TRERF1: variants seen among roughly 807,000 people sequenced by gnomAD.
TRERF1 encodes the protein transcriptional regulating factor 1, also known as transcriptional-regulating factor 1.
In TRERF1, 27 loss-of-function variants were observed where a neutral mutation model predicts 122.9. The ratio of observed to expected loss-of-function variants is 0.22; its 90% CI spans 0.16 to 0.30. The LOEUF (loss-of-function observed/expected upper bound fraction) is 0.30, where lower values mean the gene tolerates loss of function less well. Among genes scored for constraint, TRERF1 ranks in the 10% least tolerant of loss-of-function variants. TRERF1 has a pLI of 1.00. For missense variants in TRERF1, 1,248 were observed against 1,560.3 expected (o/e 0.80, Z 3.37); for synonymous variants, 636 against 641.7 (o/e 0.99, Z 0.13).
intron 2 of TRERF1, among the ~76,000 whole-genome samples, chr6:42,426,780 A>G (rs1210893458): frequency 6.6e-6 from 1 of 152,168 alleles, no homozygotes; most frequent in African/African-American, 2.4e-5. Flanking sequence ...GTTAGGACAG[A>G]GATACGGCCC....
chr6:42,252,460 G>A (rs551302036), intron 13 of TRERF1, among the ~76,000 whole-genome samples: 1 of 152,276 alleles, frequency 6.6e-6, no homozygotes, highest in African/African-American at 2.4e-5. Context: ...GAGCAAATTC[G>A]GGGCTGGGAC....
chr6:42,414,221 G>A (rs1162982793), intron 2 of TRERF1, among the ~76,000 whole-genome samples: 1 of 152,192 alleles, frequency 6.6e-6, no homozygotes, highest in African/African-American at 2.4e-5. Context: ...CATCCTTGGA[G>A]GGTCTTTCAA....
In TRERF1 at chr6:42,428,187, A is replaced by G. The variant is rs572985871; in HGVS notation, c.-454+22990T>C. Among the ~76,000 whole-genome samples, 6 of 152,360 alleles carry G rather than the reference A, an allele frequency of 3.9e-5. No individual in the cohort carries two copies. In the East Asian group the frequency reaches 1.2e-3, roughly 29 times the overall value. ...GGCCCAGACTGACTAAGGTGAAATC[A>G]TTTCATTTATTTTCTATGTAACTTC... On this transcript the variant is annotated intron_variant, in intron 2 of 17. Transcript: ENST00000372922.
At chr6:42,368,859 G>A (rs527693379) in intron 2 of TRERF1, among the ~76,000 whole-genome samples, 2 of 152,184 alleles carry the variant, frequency 1.3e-5, no homozygotes, top group Admixed American at 1.3e-4. Flanking sequence ...TTCTTGGTAT[G>A]TAAGAAGTTT....
At chr6:42,432,671 G>A (rs1784665221) in intron 2 of TRERF1, among the ~76,000 whole-genome samples, 1 of 152,026 alleles carries the variant, frequency 6.6e-6, no homozygotes, top group Admixed American at 6.6e-5. Flanking sequence ...GTGAAACCCT[G>A]TTCCTACTAA....
At chr6:42,355,166 T>C (rs1042360416) in intron 3 of TRERF1, among the ~76,000 whole-genome samples, 6 of 152,236 alleles carry the variant, frequency 3.9e-5, no homozygotes, top group African/African-American at 1.2e-4. Flanking sequence ...CCTTTATTGT[T>C]TCACCAGTAA....
chr6:42,304,572 G>C (rs1423222578), intron 3 of TRERF1, among the ~76,000 whole-genome samples: 1 of 152,196 alleles, frequency 6.6e-6, no homozygotes, highest in Non-Finnish European at 1.5e-5. Context: ...GCAAGGCTCA[G>C]AGTCAGCTAT....
At chr6:42,295,786 T>C (rs909036853) in intron 4 of TRERF1, among the ~76,000 whole-genome samples, 7 of 152,188 alleles carry the variant, frequency 4.6e-5, no homozygotes, top group Non-Finnish European at 7.4e-5. Flanking sequence ...CACAGCAACT[T>C]TATGCATTCT....
intron 8 of TRERF1, among the ~76,000 whole-genome samples, chr6:42,262,252 C>G (rs1778042832): frequency 6.6e-6 from 1 of 151,880 alleles, no homozygotes; most frequent in Non-Finnish European, 1.5e-5. Context: ...AGGTTTTTTT[C>G]TGTACTTTTC....
chr6:42,234,202 A>G (rs1313333648), intron 16 of TRERF1, among the ~76,000 whole-genome samples: 1 of 152,166 alleles, frequency 6.6e-6, no homozygotes, highest in Non-Finnish European at 1.5e-5. Context: ...AGGGGTGTAA[A>G]TCCATATCCC....
At chr6:42,397,365 G>A (rs539516686) in intron 2 of TRERF1, among the ~76,000 whole-genome samples, 2 of 152,088 alleles carry the variant, frequency 1.3e-5, no homozygotes, top group Non-Finnish European at 1.5e-5. Context: ...AGGCACCGTC[G>A]GGATGTACTG....
intron 13 of TRERF1, among the ~76,000 whole-genome samples, chr6:42,249,704 T>C (rs1582554945): frequency 6.6e-6 from 1 of 152,272 alleles, no homozygotes; most frequent in East Asian, 1.9e-4. Context: ...GATACAGGGC[T>C]GGGTCAGGGA....
At chr6:42,428,039 A>G (rs904118955) in intron 2 of TRERF1, among the ~76,000 whole-genome samples, 1 of 152,148 alleles carries the variant, frequency 6.6e-6, no homozygotes, top group South Asian at 2.1e-4. Flanking sequence ...TTGGCATGAC[A>G]TCTAGGGCCG....
chr6:42,413,618 T>G (rs1582085705), intron 2 of TRERF1, among the ~76,000 whole-genome samples: 1 of 151,862 alleles, frequency 6.6e-6, no homozygotes, highest in African/African-American at 2.4e-5. Context: ...TTAGTAGAGA[T>G]GGGGTTTCAC....
intron 2 of TRERF1, among the ~76,000 whole-genome samples, chr6:42,376,417 C>T (rs1024662949): frequency 2.6e-5 from 4 of 151,582 alleles, no homozygotes; most frequent in South Asian, 2.1e-4. Flanking sequence ...AGGGGAGAGA[C>T]AGGAGTAAGA....
intron 3 of TRERF1, among the ~76,000 whole-genome samples, chr6:42,354,994 G>C (rs1770224853): frequency 6.6e-6 from 1 of 152,132 alleles, no homozygotes; most frequent in South Asian, 2.1e-4. Context: ...TCATTATCTA[G>C]AAATAGGGTT....
intron 2 of TRERF1, among the ~76,000 whole-genome samples, chr6:42,375,119 G>A (rs755476031): frequency 2.6e-5 from 4 of 151,780 alleles, no homozygotes; most frequent in Admixed American, 6.6e-5. Context: ...AGGGTAAAGC[G>A]ACTGTCCCAG....
intron 3 of TRERF1, among the ~76,000 whole-genome samples, chr6:42,322,998 G>C (rs1184471005): frequency 2.0e-5 from 3 of 151,808 alleles, no homozygotes; most frequent in Non-Finnish European, 4.4e-5. Flanking sequence ...TGGGGGGCAA[G>C]CAGAGGATAA....
chr6:42,270,200 T>G (rs1236988340), intron 4 of TRERF1, among the ~76,000 whole-genome samples: 1 of 152,120 alleles, frequency 6.6e-6, no homozygotes, highest in Non-Finnish European at 1.5e-5. Context: ...TCTCTCTGTG[T>G]GTGTGTATAT....
Sources: gnomAD v4.1 joint callset for allele counts (sites outside exome capture counted in the v4.1 genomes callset) on GRCh38, gnomAD v4.1.1 for gene constraint, MANE v1.5 for transcripts, NCBI Gene and HGNC (gene_info 2026-07-23, HGNC 2026-07-21) for gene names.